SDK1: variants seen among roughly 807,000 people sequenced by gnomAD.
SDK1 encodes the protein protein sidekick-1.
A neutral mutation model predicts 245.5 loss-of-function variants in SDK1; 157 were observed. The observed-to-expected ratio is 0.64, with a 90% CI of 0.56 to 0.73. The LOEUF (loss-of-function observed/expected upper bound fraction) is 0.73, where lower values mean the gene tolerates loss of function less well. Ranked by LOEUF, SDK1 falls within the 30% of genes least tolerant of loss-of-function variation. The pLI, the probability that SDK1 is intolerant of heterozygous loss-of-function variation, is 0.00. For missense variants in SDK1, 3,583 were observed against 3,002.3 expected, an observed-to-expected ratio of 1.19 and a Z score of -4.52; for synonymous variants, 1,647 against 1,278.5, an observed-to-expected ratio of 1.29 and a Z score of -6.15.
intron 1 of SDK1, among the ~76,000 whole-genome samples, chr7:3,514,640 T>C (rs1035453969): frequency 6.6e-6 from 1 of 152,124 alleles, no homozygotes; most frequent in Non-Finnish European, 1.5e-5. Flanking sequence ...GAGTAGTAGA[T>C]GAAAATGGGC....
chr7:4,150,120 G>A (rs866305683), intron 30 of SDK1, among the ~76,000 whole-genome samples: 13 of 152,214 alleles, frequency 8.5e-5, no homozygotes, highest in African/African-American at 2.9e-4. Context: ...TACAGACAAG[G>A]AAACTGCCAC....
At chr7:3,984,423 T>G (rs1207351049) in intron 13 of SDK1, among the ~76,000 whole-genome samples, 1 of 152,160 alleles carries the variant, frequency 6.6e-6, no homozygotes, top group East Asian at 1.9e-4. Context: ...GAGGCCGCAT[T>G]TTCACCTCTG....
At chr7:3,917,895 T>C (rs1779440633) in intron 5 of SDK1, among the ~76,000 whole-genome samples, 1 of 152,270 alleles carries the variant, frequency 6.6e-6, no homozygotes, top group Non-Finnish European at 1.5e-5. Flanking sequence ...CTGGTCTCCA[T>C]ACAAAGATGG....
Position 4,145,872 on chromosome 7 carries a change from G to C in SDK1, c.4379G>C (p.Trp1460Ser), listed in dbSNP as rs765873612. 8.1e-6 allele frequency: 13 copies of C among 1,612,868 alleles called. No individual in the cohort carries two copies. Among genetic ancestry groups the C allele is most frequent in the African/African-American group, 8.0e-5 (6 of 74,954 alleles). Reference protein sequence around the residue: ...FRLSAKTRQGWGEPLEATVIT... With the variant: ...FRLSAKTRQGSGEPLEATVIT... The stretch of plus-strand genomic sequence containing the variant: ...CTGTCCGCCAAGACGAGGCAGGGCT[G>C]GGGGGAGCCACTGGAGGCCACCGTC... The change falls in exon 29 of 45, where the codon TGG (tryptophan) becomes TCG (serine). Residue 1460 changes from tryptophan to serine, a missense_variant. Physicochemically the swap from Trp to Ser is radical, Grantham distance 177. Transcript: ENST00000404826.
intron 1 of SDK1, among the ~76,000 whole-genome samples, chr7:3,349,185 G>A: frequency 1.0e-5 from 1 of 95,580 alleles, no homozygotes; most frequent in South Asian, 2.9e-4. Flanking sequence ...TGTGGTTGCA[G>A]TTTAAAAAAA....
At chr7:4,088,996 G>C (rs1781610307) in intron 22 of SDK1, among the ~76,000 whole-genome samples, 1 of 151,314 alleles carries the variant, frequency 6.6e-6, no homozygotes, top group Admixed American at 6.6e-5. Flanking sequence ...CCCTCAGGTG[G>C]AGGTGAGACC....
rs150694972 is a variant in SDK1 at position 3,903,335 on chromosome 7, A to G, written c.848-47588A>G. ...ATTTTTTGTGTTTTTAGTAGAGACG[A>G]GGTTTCACCGTGTTAGCCAGGATGG... On this transcript the variant is annotated intron_variant, in intron 5 of 44. Transcript: ENST00000404826. 6.8e-3 allele frequency among the ~76,000 whole-genome samples: 1,037 copies of G among 151,982 alleles called. 16 individuals are homozygous for G. The highest frequency in any genetic ancestry group is 0.023 in the African/African-American group (956 of 41,462).
intron 2 of SDK1, among the ~76,000 whole-genome samples, chr7:3,631,090 C>T (rs1030639842): frequency 5.3e-5 from 8 of 152,058 alleles, no homozygotes; most frequent in African/African-American, 1.7e-4. Flanking sequence ...CATGCTGCCA[C>T]GCCTGGTTAA....
At position 3,454,552 on chromosome 7, in the gene SDK1, T is replaced by C. The variant is rs540997777; in HGVS notation, c.298+152668T>C. Reference sequence around the variant, plus strand: ...TCCTTTCATAACTATCCCTTCCCAATCTCTGATCAGCTGCAATAACACATT... The same window carrying C: ...TCCTTTCATAACTATCCCTTCCCAACCTCTGATCAGCTGCAATAACACATT... On this transcript the variant is annotated intron_variant, in intron 1 of 44. Coordinates refer to ENST00000404826, the MANE Select transcript of SDK1 (RefSeq NM_152744.4). Among the ~76,000 whole-genome samples, 5 of 152,278 alleles carry C rather than the reference T, an allele frequency of 3.3e-5. No individual in the cohort carries two copies. The South Asian group carries it at 1.0e-3, about 32-fold the overall frequency.
chr7:4,113,600 G>C (rs1783495407), intron 24 of SDK1, among the ~76,000 whole-genome samples, 161 bp downstream of exon 24: 2 of 152,140 alleles, frequency 1.3e-5, no homozygotes, highest in Admixed American at 1.3e-4. Flanking sequence ...ATTAGTGTTG[G>C]ATCTCAGGCC....
At chr7:4,243,872 A>G (rs1042841997) in intron 43 of SDK1, among the ~76,000 whole-genome samples, 1 of 152,154 alleles carries the variant, frequency 6.6e-6, no homozygotes, top group Non-Finnish European at 1.5e-5. Context: ...CATCCCCAAA[A>G]TATCTTAGAA....
intron 17 of SDK1, among the ~76,000 whole-genome samples, chr7:4,024,770 C>G (rs1562688232): frequency 6.6e-6 from 1 of 152,256 alleles, no homozygotes; most frequent in Non-Finnish European, 1.5e-5. Flanking sequence ...AAACTTAAGT[C>G]TGCTGGGCTC....
chr7:3,961,189 AGC>A (rs1781653226), intron 8 of SDK1, among the ~76,000 whole-genome samples: 1 of 152,250 alleles, frequency 6.6e-6, no homozygotes, highest in African/African-American at 2.4e-5. Context: ...GTGAAACTAT[AGC>A]AGCATGCGAA....
chr7:3,881,890 G>A (rs920794471), intron 5 of SDK1, among the ~76,000 whole-genome samples: 24 of 152,288 alleles, frequency 1.6e-4, no homozygotes, highest in African/African-American at 5.3e-4. Flanking sequence ...GAAGCTTGGA[G>A]CTCTGTTCCC....
chr7:3,710,867 C>T (rs1408114582), intron 4 of SDK1, among the ~76,000 whole-genome samples: 1 of 152,182 alleles, frequency 6.6e-6, no homozygotes, highest in East Asian at 1.9e-4. Flanking sequence ...TTGAATGTTG[C>T]ATCATTAACA....
chr7:3,657,838 A>G (rs533736317), intron 4 of SDK1, among the ~76,000 whole-genome samples: 1 of 152,344 alleles, frequency 6.6e-6, no homozygotes, highest in South Asian at 2.1e-4. Flanking sequence ...AATTTTGTGG[A>G]TGACTGCAGG....
intron 1 of SDK1, among the ~76,000 whole-genome samples, chr7:3,608,768 T>G (rs1213319852): frequency 6.6e-6 from 1 of 152,242 alleles, no homozygotes; most frequent in Non-Finnish European, 1.5e-5. Flanking sequence ...CACCAAAGTG[T>G]CATTTATGCG....
intron 4 of SDK1, among the ~76,000 whole-genome samples, chr7:3,693,032 T>C (rs1784477702): frequency 6.6e-6 from 1 of 152,018 alleles, no homozygotes; most frequent in Non-Finnish European, 1.5e-5. Flanking sequence ...ACAAAATAAA[T>C]GAACATATTT....
At chr7:3,401,689 A>ATT (rs761655504) in intron 1 of SDK1, among the ~76,000 whole-genome samples, 2 of 146,224 alleles carry the variant, frequency 1.4e-5, no homozygotes, top group African/African-American at 2.5e-5. Flanking sequence ...TCTGAGCCTT[A>ATT]TTTTTTTTTT....
Sources: allele counts gnomAD v4.1 joint callset (sites outside exome capture counted in the v4.1 genomes callset), GRCh38; gene constraint gnomAD v4.1.1; transcripts MANE v1.5; gene names NCBI Gene and HGNC (gene_info 2026-07-23, HGNC 2026-07-21).